Variants in CENPP observed in about 807,000 individuals in gnomAD.
The protein encoded by CENPP is centromere protein P.
A neutral mutation model predicts 35.6 loss-of-function variants in CENPP; 24 were observed. The observed-to-expected ratio is 0.67, with a 90% CI of 0.49 to 0.95. The LOEUF (loss-of-function observed/expected upper bound fraction) is 0.95, where lower values mean the gene tolerates loss of function less well. Ranked by LOEUF, CENPP falls within the 40% of genes least tolerant of loss-of-function variation. The pLI is 0.00. For synonymous variants in CENPP, 120 were observed against 125.5 expected (o/e 0.96, Z 0.29); for missense variants, 332 against 345.3 (o/e 0.96, Z 0.31).
intron 2 of CENPP, among the ~76,000 whole-genome samples, chr9:92,335,995 T>C (rs1840914170): frequency 6.6e-6 from 1 of 152,238 alleles, no homozygotes; most frequent in Admixed American, 6.5e-5. Context: ...TTAACCATAG[T>C]GAGTCTTCCA....
intron 5 of CENPP, among the ~76,000 whole-genome samples, chr9:92,431,082 C>A (rs528291908): frequency 6.6e-6 from 1 of 152,338 alleles, no homozygotes; most frequent in Admixed American, 6.5e-5. Flanking sequence ...GCGTGAGCCA[C>A]TGCGCCTGGC....
At chr9:92,515,935 G>C (rs1847676266) in intron 5 of CENPP, among the ~76,000 whole-genome samples, 1 of 152,180 alleles carries the variant, frequency 6.6e-6, no homozygotes, top group Admixed American at 6.5e-5. Context: ...GATGATAGTA[G>C]ACAGTTAATC....
At chr9:92,348,613 A>C (rs1402093603) in intron 4 of CENPP, among the ~76,000 whole-genome samples, 7 of 151,916 alleles carry the variant, frequency 4.6e-5, no homozygotes. Context: ...GCTGGTCTCA[A>C]ACTCCTGATC....
chr9:92,403,675 A>G, intron 5 of CENPP: 1 of 1,052,742 alleles, frequency 9.5e-7, no homozygotes, highest in African/African-American at 1.7e-5. Flanking sequence ...TCTATCAGAA[A>G]TTCAAGAAAG....
chr9:92,494,693 G>A (rs112390460), intron 5 of CENPP, among the ~76,000 whole-genome samples: 315 of 152,220 alleles, frequency 2.1e-3, no homozygotes, highest in Middle Eastern at 0.01. Context: ...CTTATCACAA[G>A]GTCAAGAGAT....
chr9:92,612,431 TG>T, intron 6 of CENPP, 91 bp from the exon 7 acceptor site: 1 of 962,476 alleles, frequency 1.0e-6, no homozygotes, highest in Non-Finnish European at 1.7e-6. Flanking sequence ...GAGCCCAGCA[TG>T]GGGAAATGGA....
chr9:92,494,287 T>C (rs1173103703), intron 5 of CENPP: 1 of 714,462 alleles, frequency 1.4e-6, no homozygotes, highest in African/African-American at 1.8e-5. Context: ...ACAGCTTAGA[T>C]TGCCTTAAAC....
intron 5 of CENPP, among the ~76,000 whole-genome samples, chr9:92,531,533 T>A (rs1017444102): frequency 6.6e-6 from 1 of 152,204 alleles, no homozygotes; most frequent in African/African-American, 2.4e-5. Flanking sequence ...TTGCGCCAGA[T>A]AATTCTTTTT....
chr9:92,414,750 A>T (rs1843538093), intron 5 of CENPP: 1 of 218,556 alleles, frequency 4.6e-6, no homozygotes, highest in African/African-American at 2.2e-5. Context: ...TGTCATTTAA[A>T]TATTGTCCTC....
chr9:92,379,827 G>A lies in CENPP; in HGVS notation c.532G>A (p.Glu178Lys). 6 of 1,612,980 alleles carry A rather than the reference G, an allele frequency of 3.7e-6. No individual in the cohort carries two copies. The highest frequency in any genetic ancestry group is 5.1e-6 in the Non-Finnish European group (6 of 1,179,048). ...RSLHFFVEWF[E>K]YRKRTFKHLK... is the part of the protein sequence containing the mutation. Reference sequence around the variant, plus strand: ...CCTGCATTTTTTTGTGGAGTGGTTTGAATATCGTAAGCGCACGTTTAAACA... The same window carrying A: ...CCTGCATTTTTTTGTGGAGTGGTTTAAATATCGTAAGCGCACGTTTAAACA... Residue 178 changes from glutamate to lysine, a missense_variant, in exon 5 of 8, where the codon GAA becomes AAA. Transcript: ENST00000375587.
chr9:92,474,192 T>C (rs1233135898), intron 5 of CENPP, among the ~76,000 whole-genome samples: 1 of 152,246 alleles, frequency 6.6e-6, no homozygotes, highest in Admixed American at 6.5e-5. Context: ...TAAAGCATTA[T>C]CTTTAAAAGG....
chr9:92,561,192 G>T (rs1431360297), intron 5 of CENPP, among the ~76,000 whole-genome samples: 1 of 152,082 alleles, frequency 6.6e-6, no homozygotes, highest in Non-Finnish European at 1.5e-5. Flanking sequence ...AGCTTAAATT[G>T]CCAGCTTCCA....
At chr9:92,400,699 G>A (rs1321293586) in intron 5 of CENPP, among the ~76,000 whole-genome samples, 1 of 152,170 alleles carries the variant, frequency 6.6e-6, no homozygotes, top group African/African-American at 2.4e-5. Flanking sequence ...TGAAATGTAT[G>A]TGTAATTATT....
chr9:92,354,604 C>T (rs1285311843), intron 4 of CENPP, among the ~76,000 whole-genome samples: 1 of 152,218 alleles, frequency 6.6e-6, no homozygotes, highest in Non-Finnish European at 1.5e-5. Context: ...TTGCTATCCT[C>T]CTGCCTTGTC....
At chr9:92,457,762 C>G (rs750059508) in intron 5 of CENPP, among the ~76,000 whole-genome samples, 1 of 149,378 alleles carries the variant, frequency 6.7e-6, no homozygotes, top group Non-Finnish European at 1.5e-5. Flanking sequence ...CTCTCTCTCT[C>G]CAGATAGATA....
At chr9:92,566,341 A>G (rs1030110444) in intron 5 of CENPP, among the ~76,000 whole-genome samples, 2 of 151,938 alleles carry the variant, frequency 1.3e-5, no homozygotes, top group African/African-American at 2.4e-5. Context: ...ACAAAGTAAC[A>G]TAAAAATATA....
At chr9:92,499,350 A>G (rs1253968470) in intron 5 of CENPP, among the ~76,000 whole-genome samples, 2 of 152,226 alleles carry the variant, frequency 1.3e-5, no homozygotes, top group Non-Finnish European at 2.9e-5. Context: ...AAGCAGCCCT[A>G]GTTGATGAGC....
intron 4 of CENPP, among the ~76,000 whole-genome samples, chr9:92,353,164 T>A (rs1341228611): frequency 6.6e-6 from 1 of 152,158 alleles, no homozygotes; most frequent in African/African-American, 2.4e-5. Context: ...AAAATGAAAG[T>A]ACTTTCTTAG....
At chr9:92,459,977 CA>C (rs1286755012) in intron 5 of CENPP, among the ~76,000 whole-genome samples, 1 of 151,284 alleles carries the variant, frequency 6.6e-6, no homozygotes, top group Admixed American at 6.6e-5. Flanking sequence ...CTAAATTTAA[CA>C]AAAGGGAAAT....
Sources: allele counts gnomAD v4.1 joint callset (sites outside exome capture counted in the v4.1 genomes callset), GRCh38; gene constraint gnomAD v4.1.1; transcripts MANE v1.5; gene names NCBI Gene and HGNC (gene_info 2026-07-23, HGNC 2026-07-21).